ADAM12: variants seen among roughly 807,000 people sequenced by gnomAD.
ADAM12 encodes disintegrin and metalloproteinase domain-containing protein 12.
A neutral mutation model predicts 106.4 loss-of-function variants in ADAM12; 70 were observed. The observed-to-expected ratio is 0.66, with a 90% CI of 0.54 to 0.80. ADAM12 has a LOEUF of 0.80. ADAM12 is among the 30% of genes least tolerant of loss of function. The pLI is 0.00. For missense variants in ADAM12, 1,010 were observed against 1,171.9 expected (o/e 0.86, Z 2.02); for synonymous variants, 420 against 433.5 (o/e 0.97, Z 0.39).
At chr10:126,034,035 T>C (rs560333598) in intron 21 of ADAM12, among the ~76,000 whole-genome samples, 1 of 152,322 alleles carries the variant, frequency 6.6e-6, no homozygotes, top group East Asian at 1.9e-4. Flanking sequence ...AATTACAACA[T>C]CTGCAGTGAC....
At chr10:126,036,999 C>T (rs1590316404) in intron 20 of ADAM12, among the ~76,000 whole-genome samples, 1 of 152,170 alleles carries the variant, frequency 6.6e-6, no homozygotes, top group African/African-American at 2.4e-5. Flanking sequence ...ATCCATCACC[C>T]CAAAGAGTTT....
At chr10:126,271,046 T>A (rs1376616560) in intron 3 of ADAM12, among the ~76,000 whole-genome samples, 1 of 152,138 alleles carries the variant, frequency 6.6e-6, no homozygotes, top group African/African-American at 2.4e-5. Flanking sequence ...CCTTCAAAAA[T>A]GCCATGCCCA....
chr10:126,241,408 G>T (rs115254243), intron 3 of ADAM12, among the ~76,000 whole-genome samples: 7 of 152,250 alleles, frequency 4.6e-5, no homozygotes, highest in African/African-American at 1.7e-4. Flanking sequence ...TAGAAGAATC[G>T]TAACCAGAAA....
chr10:126,276,110 G>T (rs1343238371), intron 3 of ADAM12, among the ~76,000 whole-genome samples: 1 of 151,994 alleles, frequency 6.6e-6, no homozygotes, highest in Non-Finnish European at 1.5e-5. Context: ...GCTGATTATT[G>T]AATCAGTCTC....
Position 126,144,949 on chromosome 10 carries a change from C to G in ADAM12, c.340-9289G>C, listed in dbSNP as rs532319154. 1.1e-4 allele frequency among the ~76,000 whole-genome samples: 16 copies of G among 152,272 alleles called. No homozygotes were observed. In the East Asian group the frequency reaches 2.5e-3, roughly 24 times the overall value. The stretch of plus-strand genomic sequence containing the variant: ...GGGTAGCTGGACTCTGGCTTGTGAT[C>G]CTAACCTTGACGTATCCTGTCTCCA... On this transcript the variant is annotated intron_variant, in intron 4 of 22. Transcript: ENST00000448723.
At position 126,064,652 on chromosome 10, in the gene ADAM12, TG is replaced by T; in HGVS notation, c.1609+153del. The T allele has an allele frequency of 1.2e-6, 1 of 801,274 alleles. No homozygotes were observed. The highest frequency in any genetic ancestry group is 1.9e-6 in the Non-Finnish European group (1 of 516,376). 49.6% of individuals were successfully genotyped at this position (801,274 alleles called of 1,614,324 possible). ...GCCCAGTGCGGCCTCAGACCCTCCCTGGGAGTCAATCACTCCCGACTGAACA... is the reference window on the plus strand; with the variant it reads ...GCCCAGTGCGGCCTCAGACCCTCCCTGGAGTCAATCACTCCCGACTGAACA... On this transcript the variant is annotated intron_variant, in intron 14 of 22. Coordinates refer to ENST00000448723, the MANE Select transcript of ADAM12 (RefSeq NM_001288973.2). The surrounding 1 kb of genome is among the most constrained non-coding windows in gnomAD (Gnocchi z 4.4).
At chr10:126,095,394 C>T (rs916530495) in intron 10 of ADAM12, among the ~76,000 whole-genome samples, 14 of 151,734 alleles carry the variant, frequency 9.2e-5, no homozygotes, top group Non-Finnish European at 1.0e-4. Flanking sequence ...ACTAGCCGGG[C>T]GTGGTGGCGG....
chr10:126,294,169 G>A (rs12571269), intron 2 of ADAM12, among the ~76,000 whole-genome samples: 2,469 of 152,224 alleles, frequency 0.016, 31 homozygotes, highest in East Asian at 0.048. Flanking sequence ...TGCTAAGTAC[G>A]GGCTGTCCAC....
chr10:126,039,350 C>T lies in ADAM12; in HGVS notation c.2184G>A (p.Arg728=). The change falls in exon 19 of 23, where the codon AGG becomes AGA. Residue 728 remains arginine, a synonymous_variant. Transcript: ENST00000448723. ...LAAGFVVYLK[R]KTLIRLLFTN... is the part of the protein sequence containing the mutation. ...TAAACAGCAGTCGTATCAAGGTCTT[C>T]CTTTTGAGATAAACCACAAATCCGG... 6.2e-7 allele frequency: 1 copy of T among 1,614,076 alleles called. No individual in the cohort carries two copies. The highest frequency in any genetic ancestry group is 8.5e-7 in the Non-Finnish European group (1 of 1,179,992).
intron 3 of ADAM12, among the ~76,000 whole-genome samples, chr10:126,259,827 A>G (rs1388076849): frequency 6.6e-6 from 1 of 152,244 alleles, no homozygotes; most frequent in East Asian, 1.9e-4. Context: ...TCTAACACTG[A>G]AATTCTTTCT....
intron 8 of ADAM12, among the ~76,000 whole-genome samples, chr10:126,107,715 GCA>G (rs1355167560): frequency 6.6e-6 from 1 of 152,138 alleles, no homozygotes; most frequent in Non-Finnish European, 1.5e-5. Flanking sequence ...CATCCACATT[GCA>G]CATGAGAATT....
chr10:126,263,271 T>A (rs1253700672), intron 3 of ADAM12, among the ~76,000 whole-genome samples: 1 of 152,038 alleles, frequency 6.6e-6, no homozygotes, highest in Non-Finnish European at 1.5e-5. Context: ...CATCTTAGAG[T>A]GGAAATGGAG....
At chr10:126,088,768 C>A (rs990589927) in intron 11 of ADAM12, among the ~76,000 whole-genome samples, 1 of 150,876 alleles carries the variant, frequency 6.6e-6, no homozygotes, top group Non-Finnish European at 1.5e-5. Context: ...GCCACCTAGA[C>A]CTGGGGACAC....
intron 3 of ADAM12, among the ~76,000 whole-genome samples, chr10:126,167,514 G>A (rs1369993960): frequency 6.6e-6 from 1 of 152,216 alleles, no homozygotes; most frequent in Non-Finnish European, 1.5e-5. Context: ...ACGAGGAACT[G>A]CATAAATCAG....
chr10:126,347,002 G>A (rs1186997551), intron 1 of ADAM12, among the ~76,000 whole-genome samples: 1 of 152,084 alleles, frequency 6.6e-6, no homozygotes, highest in African/African-American at 2.4e-5. Flanking sequence ...TCTTTTAATT[G>A]GAGCAGTTAG....
chr10:126,046,268 A>G (rs1954317150), intron 16 of ADAM12, 136 bp from the exon 17 acceptor site: 4 of 742,154 alleles, frequency 5.4e-6, no homozygotes, highest in Non-Finnish European at 9.4e-6. Flanking sequence ...GTTAATACGG[A>G]TGGAGCATAA....
At chr10:126,292,532 G>A (rs910033866) in intron 2 of ADAM12, among the ~76,000 whole-genome samples, 16 of 152,130 alleles carry the variant, frequency 1.1e-4, no homozygotes, top group African/African-American at 3.9e-4. Context: ...AGCCAAAGTT[G>A]GGTACAAAGC....
At chr10:126,083,797 C>T (rs1955281961) in intron 11 of ADAM12, among the ~76,000 whole-genome samples, 1 of 152,230 alleles carries the variant, frequency 6.6e-6, no homozygotes, top group Admixed American at 6.5e-5. Context: ...TGAGTCAGCC[C>T]ACTCTGCCTG....
chr10:126,245,531 G>A (rs969697270), intron 3 of ADAM12, among the ~76,000 whole-genome samples: 6 of 152,164 alleles, frequency 3.9e-5, no homozygotes, highest in African/African-American at 1.4e-4. Flanking sequence ...CGGGGCTAGA[G>A]GCACTGCCTT....
Sources: allele counts gnomAD v4.1 joint callset (sites outside exome capture counted in the v4.1 genomes callset), GRCh38; gene constraint gnomAD v4.1.1; non-coding constraint Gnocchi (gnomAD v3.1); transcripts MANE v1.5; gene names NCBI Gene and HGNC (gene_info 2026-07-23, HGNC 2026-07-21).